The following COL18A1 variants were observed in gnomAD, a reference collection of about 807,000 sequenced individuals.
COL18A1 encodes collagen type XVIII alpha 1 chain, also known as collagen alpha-1(XVIII) chain.
In COL18A1, 133 loss-of-function variants were observed where a neutral mutation model predicts 168.0. The ratio of observed to expected loss-of-function variants is 0.79; its 90% CI spans 0.69 to 0.91. The LOEUF (loss-of-function observed/expected upper bound fraction) is 0.91. COL18A1 is among the 40% of genes least tolerant of loss of function. The pLI is 0.00. For synonymous variants in COL18A1, 949 were observed against 809.0 expected (o/e 1.17, Z -2.94); for missense variants, 2,126 against 1,925.4 (o/e 1.10, Z -1.95).
chr21:45,437,037 A>T (rs1186360518), intron 2 of COL18A1, among the ~76,000 whole-genome samples: 1 of 151,990 alleles, frequency 6.6e-6, no homozygotes, highest in East Asian at 1.9e-4. Flanking sequence ...GGTGGGTTCT[A>T]TTGCCAAGGT....
intron 2 of COL18A1, among the ~76,000 whole-genome samples, chr21:45,449,747 G>T (rs976545366): frequency 6.6e-6 from 1 of 152,188 alleles, no homozygotes; most frequent in African/African-American, 2.4e-5. Context: ...CCCTCTCACT[G>T]TGCGGCCACC....
chr21:45,491,893 C>A (rs764767708), intron 22 of COL18A1, among the ~76,000 whole-genome samples: 2 of 152,114 alleles, frequency 1.3e-5, no homozygotes, highest in African/African-American at 2.4e-5. Flanking sequence ...AGATGCAGGG[C>A]CCAGGGCAGC....
At chr21:45,464,862 C>A (rs2035149200) in intron 2 of COL18A1, among the ~76,000 whole-genome samples, 1 of 152,168 alleles carries the variant, frequency 6.6e-6, no homozygotes, top group Non-Finnish European at 1.5e-5. Context: ...CTGCAGCATC[C>A]CCTTGCCACG....
At chr21:45,437,102 T>TGC (rs1443825247) in intron 2 of COL18A1, among the ~76,000 whole-genome samples, 1 of 108,244 alleles carries the variant, frequency 9.2e-6, no homozygotes, top group African/African-American at 5.1e-5. Context: ...GGCACTCTCC[T>TGC]GCACACACAC....
chr21:45,439,502 CT>C (rs1183371244), intron 2 of COL18A1, among the ~76,000 whole-genome samples: 1 of 152,266 alleles, frequency 6.6e-6, no homozygotes, highest in Non-Finnish European at 1.5e-5. Flanking sequence ...GCAAAGTGAA[CT>C]TATTGGTGAA....
At chr21:45,466,377 G>A (rs559882124) in intron 2 of COL18A1, among the ~76,000 whole-genome samples, 6 of 152,290 alleles carry the variant, frequency 3.9e-5, no homozygotes, top group African/African-American at 1.4e-4. Flanking sequence ...AGGGGGAAAT[G>A]GTCTTTAAAG....
chr21:45,495,643 G>A (rs562646548), intron 29 of COL18A1: 37 of 573,474 alleles, frequency 6.5e-5, no homozygotes, highest in Non-Finnish European at 1.1e-4. Flanking sequence ...CACATATATG[G>A]CCGTACTCAT....
chr21:45,498,777 C>T lies in COL18A1; in HGVS notation c.2683+1116C>T, dbSNP rs2036636926. Among the ~76,000 whole-genome samples, 1 of 152,214 alleles carries T rather than the reference C, an allele frequency of 6.6e-6. No individual in the cohort carries two copies. Among genetic ancestry groups the T allele is most frequent in the African/African-American group, 2.4e-5 (1 of 41,432 alleles). On this transcript the variant is annotated intron_variant, in intron 32 of 41. Coordinates refer to ENST00000651438, the MANE Select transcript of COL18A1 (RefSeq NM_001379500.1). This position sits in a 1 kb window ranked among gnomAD's most constrained non-coding sequence, Gnocchi z 4.5. Reference sequence around the variant, plus strand: ...CAGTGACACACCAGACCAGGAGGCCCAGCTCATGGGGTCATCGGACCCACC... The same window carrying T: ...CAGTGACACACCAGACCAGGAGGCCTAGCTCATGGGGTCATCGGACCCACC...
chr21:45,485,775 G>C (rs2036087450), intron 15 of COL18A1, among the ~76,000 whole-genome samples: 1 of 152,208 alleles, frequency 6.6e-6, no homozygotes, highest in Non-Finnish European at 1.5e-5. Flanking sequence ...CCCCTGTGGG[G>C]GACATGGGAA....
intron 12 of COL18A1, 30 bp downstream of exon 12, chr21:45,480,550 C>T (rs759582395): frequency 1.1e-5 from 18 of 1,613,722 alleles, no homozygotes; most frequent in East Asian, 2.2e-5. Context: ...CAGCGCTGCC[C>T]GATGTCTGTG....
chr21:45,497,778 C>T, intron 32 of COL18A1, 117 bp downstream of exon 32: 1 of 1,394,532 alleles, frequency 7.2e-7, no homozygotes, highest in Non-Finnish European at 9.9e-7. Flanking sequence ...GTGGTGACCA[C>T]CTCACCCTGC....
chr21:45,510,121 G>A lies in COL18A1; in HGVS notation c.3553G>A (p.Ala1185Thr), dbSNP rs769603874. 1.7e-5 allele frequency: 27 copies of A among 1,597,874 alleles called. No individual in the cohort carries two copies. Among genetic ancestry groups the A allele is most frequent in the Non-Finnish European group, 2.2e-5 (26 of 1,173,794 alleles). Residue 1185 changes from alanine to threonine, a missense_variant, in exon 40 of 42, where the codon GCC becomes ACC. Coordinates refer to ENST00000651438, the MANE Select transcript of COL18A1 (RefSeq NM_001379500.1). ...AGGCGGCATGCGGGGCATCCGCGGG[G>A]CCGACTTCCAGTGCTTCCAGCAGGC... ...LSGGMRGIRG[A>T]DFQCFQQARA...
intron 32 of COL18A1, among the ~76,000 whole-genome samples, chr21:45,499,079 A>G (rs2036646447): frequency 6.6e-6 from 1 of 152,192 alleles, no homozygotes; most frequent in South Asian, 2.1e-4. Context: ...CATTCGAAGG[A>G]TCAACAATTA....
At chr21:45,439,574 G>A (rs918206417) in intron 2 of COL18A1, among the ~76,000 whole-genome samples, 1 of 152,356 alleles carries the variant, frequency 6.6e-6, no homozygotes. Context: ...TCCCCCTGGC[G>A]GCCGGTCCCT....
Position 45,468,459 on chromosome 21 carries a change from G to T in COL18A1, c.324G>T (p.Leu108=). The T allele has an allele frequency of 6.2e-7, 1 of 1,614,098 alleles. No individual in the cohort carries two copies. Among genetic ancestry groups the T allele is most frequent in the East Asian group, 2.2e-5 (1 of 44,888 alleles). ...IRPATEGPGV[L]FAITDSAQAM... ...CAGCCACAGAGGGCCCAGGGGTGCT[G>T]TTCGCCATCACGGACTCGGCGCAGG... The change falls in exon 3 of 42, where the codon CTG becomes CTT. Residue 108 remains leucine (L), a synonymous_variant. Coordinates refer to ENST00000651438, the MANE Select transcript of COL18A1 (RefSeq NM_001379500.1).
intron 2 of COL18A1, among the ~76,000 whole-genome samples, chr21:45,452,721 ATG>A (rs1412901877): frequency 3.9e-5 from 4 of 103,726 alleles, no homozygotes; most frequent in South Asian, 3.0e-4. Flanking sequence ...GAATATTCAC[ATG>A]TGACGTGTGA....
chr21:45,411,871 C>A (rs2033308957), intron 2 of COL18A1, among the ~76,000 whole-genome samples: 1 of 151,926 alleles, frequency 6.6e-6, no homozygotes, highest in East Asian at 2.0e-4. Context: ...AACGGCCAGG[C>A]TGGATCCTGT....
At chr21:45,493,133 T>C (rs2036415656) in intron 24 of COL18A1, 30 bp from the exon 25 acceptor site, 1 of 1,548,920 alleles carries the variant, frequency 6.5e-7, no homozygotes, top group Non-Finnish European at 8.7e-7. Flanking sequence ...TGCCAGCCGC[T>C]CGGGCCTCAC....
At chr21:45,501,329 T>A (rs1306460794) in intron 32 of COL18A1, among the ~76,000 whole-genome samples, 3 of 151,942 alleles carry the variant, frequency 2.0e-5, no homozygotes, top group African/African-American at 7.3e-5. Context: ...CCCAGGGAGA[T>A]CTGAACATCA....
Sources: allele counts gnomAD v4.1 joint callset (sites outside exome capture counted in the v4.1 genomes callset), GRCh38; gene constraint gnomAD v4.1.1; non-coding constraint Gnocchi (gnomAD v3.1); transcripts MANE v1.5; gene names NCBI Gene and HGNC (gene_info 2026-07-23, HGNC 2026-07-21).